ASB3: variants seen among roughly 807,000 people sequenced by gnomAD.
The protein encoded by ASB3 is ankyrin repeat and SOCS box protein 3.
In ASB3, 41 loss-of-function variants were observed where a neutral mutation model predicts 54.5. That is an observed-to-expected ratio of 0.75 (90% confidence interval 0.59 to 0.98). The LOEUF (loss-of-function observed/expected upper bound fraction) is 0.98, where lower values mean the gene tolerates loss of function less well. ASB3 is among the 50% of genes least tolerant of loss of function. ASB3 has a pLI of 0.00. For synonymous variants in ASB3, 266 were observed against 221.2 expected (o/e 1.20, Z -1.80); for missense variants, 733 against 620.0 (o/e 1.18, Z -1.94).
At chr2:53,722,086 G>C (rs79392517) in intron 5 of ASB3, among the ~76,000 whole-genome samples, 1,797 of 151,758 alleles carry the variant, frequency 0.012, 19 homozygotes, top group Non-Finnish European at 0.018. Context: ...AGAAAATCTA[G>C]AGGAAATGGA....
chr2:53,717,943 T>G (rs755128033), intron 5 of ASB3, among the ~76,000 whole-genome samples: 1 of 152,072 alleles, frequency 6.6e-6, no homozygotes, highest in Non-Finnish European at 1.5e-5. Context: ...AGGAAGAATT[T>G]TGGAGCTTGA....
At chr2:53,730,254 T>A (rs1211407915) in intron 3 of ASB3, among the ~76,000 whole-genome samples, 1 of 152,190 alleles carries the variant, frequency 6.6e-6, no homozygotes, top group Non-Finnish European at 1.5e-5. Flanking sequence ...TACAAAGTGC[T>A]TTATAAAATA....
chr2:53,673,164 T>A (rs1201901263), intron 9 of ASB3, among the ~76,000 whole-genome samples: 2 of 152,204 alleles, frequency 1.3e-5, no homozygotes, highest in African/African-American at 2.4e-5. Context: ...TAATCCAGTG[T>A]GTGTTTTTAA....
intron 1 of ASB3, chr2:53,774,144 A>C (rs1384292836): frequency 3.1e-6 from 5 of 1,589,588 alleles, no homozygotes; most frequent in Non-Finnish European, 4.3e-6. Context: ...TTCAACAGGG[A>C]TGTGTATGGG....
At chr2:53,770,105 A>G (rs1673789567) in intron 1 of ASB3, among the ~76,000 whole-genome samples, 1 of 151,790 alleles carries the variant, frequency 6.6e-6, no homozygotes, top group Non-Finnish European at 1.5e-5. Context: ...ACCCTCACCA[A>G]TATATATATA....
chr2:53,728,366 C>T (rs1290907823), intron 5 of ASB3, among the ~76,000 whole-genome samples: 1 of 152,126 alleles, frequency 6.6e-6, no homozygotes, highest in Non-Finnish European at 1.5e-5. Flanking sequence ...AAATAGCCAT[C>T]TAATAAGGTA....
chr2:53,778,600 C>T (rs918001722), intron 1 of ASB3, among the ~76,000 whole-genome samples: 6 of 152,262 alleles, frequency 3.9e-5, no homozygotes, highest in African/African-American at 1.4e-4. Flanking sequence ...TTTAGTTCAA[C>T]GGTTTTAGAT....
chr2:53,715,001 C>A (rs77658741), intron 6 of ASB3, among the ~76,000 whole-genome samples: 1 of 151,920 alleles, frequency 6.6e-6, no homozygotes, highest in Non-Finnish European at 1.5e-5. Context: ...TCTTAAAGTA[C>A]CAACTAGTTT....
At chr2:53,676,647 T>G (rs1214732145) in intron 9 of ASB3, among the ~76,000 whole-genome samples, 1 of 152,224 alleles carries the variant, frequency 6.6e-6, no homozygotes. Flanking sequence ...GTCTGAGGCC[T>G]TCACATTCAC....
chr2:53,765,612 C>A (rs749049689), intron 1 of ASB3, 27 bp from the exon 2 acceptor site: 3 of 1,613,138 alleles, frequency 1.9e-6, no homozygotes, highest in Non-Finnish European at 1.7e-6. Context: ...AAGGATAATA[C>A]TATAGTCAAT....
Position 53,780,107 on chromosome 2 carries a change from G to C in ASB3, c.-14+6714C>G, listed in dbSNP as rs145667581. Among the ~76,000 whole-genome samples, 30 of 152,150 alleles carry C rather than the reference G, an allele frequency of 2.0e-4. No homozygotes were observed. In the East Asian group the frequency reaches 5.4e-3, roughly 27 times the overall value. The stretch of plus-strand genomic sequence containing the variant: ...TCCTCTTTCCAATACACGCTCTACT[G>C]TGCACTCAGAATTACTTACCTAAAA... On this transcript the variant is annotated intron_variant, in intron 1 of 9. Transcript: ENST00000263634.
At chr2:53,708,574 TGAA>T (rs1429879454) in intron 7 of ASB3, among the ~76,000 whole-genome samples, 4 of 152,188 alleles carry the variant, frequency 2.6e-5, no homozygotes, top group African/African-American at 9.6e-5. Context: ...TGGAGGGCTC[TGAA>T]GAAGACAGAA....
chr2:53,712,976 G>C (rs1011911752), intron 7 of ASB3, among the ~76,000 whole-genome samples: 2 of 152,164 alleles, frequency 1.3e-5, no homozygotes, highest in Non-Finnish European at 1.5e-5. Flanking sequence ...ATGAAATCAT[G>C]AAAGTTATAC....
At chr2:53,713,261 T>C (rs1370755532) in intron 7 of ASB3, among the ~76,000 whole-genome samples, 1 of 152,224 alleles carries the variant, frequency 6.6e-6, no homozygotes, top group African/African-American at 2.4e-5. Context: ...AAAAGCTTAG[T>C]AAATAATTTC....
At chr2:53,700,574 G>C in intron 7 of ASB3, 46 bp from the exon 8 acceptor site, 1 of 1,558,468 alleles carries the variant, frequency 6.4e-7, no homozygotes, top group Non-Finnish European at 8.6e-7. Context: ...GTTAGACTTT[G>C]ACATAAGATA....
chr2:53,714,361 A>G (rs1354174978), intron 7 of ASB3, 23 bp downstream of exon 7: 1 of 1,607,268 alleles, frequency 6.2e-7, no homozygotes, highest in Non-Finnish European at 8.5e-7. Flanking sequence ...AATAAAAAAT[A>G]AAAACATAGC....
At chr2:53,781,071 C>A (rs1386025475) in intron 1 of ASB3, among the ~76,000 whole-genome samples, 1 of 152,030 alleles carries the variant, frequency 6.6e-6, no homozygotes, top group East Asian at 1.9e-4. Flanking sequence ...GTGCTAAGCA[C>A]TGAACAGGAA....
At chr2:53,710,401 G>C (rs1479216612) in intron 7 of ASB3, among the ~76,000 whole-genome samples, 1 of 152,006 alleles carries the variant, frequency 6.6e-6, no homozygotes, top group Non-Finnish European at 1.5e-5. Context: ...ATTTTTTCCA[G>C]TGTGTTAGCC....
chr2:53,714,436 C>G lies in ASB3; in HGVS notation c.928G>C (p.Ala310Pro), dbSNP rs1670276256. 3 of 1,614,238 alleles carry G rather than the reference C, an allele frequency of 1.9e-6. No individual in the cohort carries two copies. The highest frequency in any genetic ancestry group is 2.5e-6 in the Non-Finnish European group (3 of 1,180,026). ...GAACTGAATCCAAAAACAAGGCACGCCTGGGCGTCTGGGCTGTAGCCATTC... is the reference window on the plus strand; with the variant it reads ...GAACTGAATCCAAAAACAAGGCACGGCTGGGCGTCTGGGCTGTAGCCATTC... ...LRNGYSPDAQACLVFGFSSPV... is the reference protein window; with the variant it reads ...LRNGYSPDAQPCLVFGFSSPV... The change falls in exon 7 of 10, where the codon GCG becomes CCG. Residue 310 changes from alanine to proline, a missense_variant. Ala to Pro is a conservative substitution (Grantham distance 27, BLOSUM62 -1). Transcript: ENST00000263634.
Sources: gnomAD v4.1 joint callset for allele counts (sites outside exome capture counted in the v4.1 genomes callset) on GRCh38, gnomAD v4.1.1 for gene constraint, MANE v1.5 for transcripts, NCBI Gene and HGNC (gene_info 2026-07-23, HGNC 2026-07-21) for gene names.